Variants in CCDC85C observed in about 807,000 individuals in gnomAD.
CCDC85C encodes coiled-coil domain containing 85C.
A neutral mutation model predicts 38.3 loss-of-function variants in CCDC85C; 18 were observed. The observed-to-expected ratio is 0.47, with a 90% confidence interval of 0.33 to 0.70. The LOEUF (loss-of-function observed/expected upper bound fraction) is 0.70, where lower values mean the gene tolerates loss of function less well. Ranked by LOEUF, CCDC85C falls within the 30% of genes least tolerant of loss-of-function variation. CCDC85C has a pLI of 0.03. For missense variants in CCDC85C, 566 were observed against 621.2 expected, an observed-to-expected ratio of 0.91 and a Z score of 0.94; for synonymous variants, 264 against 293.8, an observed-to-expected ratio of 0.90 and a Z score of 1.04.
intron 1 of CCDC85C, among the ~76,000 whole-genome samples, chr14:99,577,917 AGTGTGTGTGTGT>A (rs368902066): frequency 3.4e-5 from 4 of 117,088 alleles, no homozygotes; most frequent in Non-Finnish European, 7.0e-5. Flanking sequence ...ATCCCCCATC[AGTGTGTGTGTGT>A]GTGTGTGTGT....
At chr14:99,547,847 TACACATATATATATACAC>T (rs1566769298) in intron 1 of CCDC85C, among the ~76,000 whole-genome samples, 2 of 151,826 alleles carry the variant, frequency 1.3e-5, no homozygotes, top group African/African-American at 2.4e-5. Flanking sequence ...TGTGTGTATA[TACACATATATATATACAC>T]ACACATATAT....
In CCDC85C at chr14:99,516,645, G is replaced by A. The variant is rs1897230460; in HGVS notation, c.1072-359C>T. 6.6e-6 allele frequency among the ~76,000 whole-genome samples: 1 copy of A among 152,120 alleles called. No individual in the cohort carries two copies. The highest frequency in any genetic ancestry group is 6.5e-5 in the Admixed American group (1 of 15,282). On this transcript the variant is annotated intron_variant, in intron 4 of 5. Transcript: ENST00000380243. This position sits in a 1 kb window ranked among gnomAD's most constrained non-coding sequence, Gnocchi z 5.5. Reference sequence around the variant, plus strand: ...TAGGCGTGGCCGTGCATGCATGTGGGATGTCATGGGGCACGTACGTAGGAG... The same window carrying A: ...TAGGCGTGGCCGTGCATGCATGTGGAATGTCATGGGGCACGTACGTAGGAG...
chr14:99,540,206 C>A (rs1018240934), intron 1 of CCDC85C, among the ~76,000 whole-genome samples: 1 of 152,130 alleles, frequency 6.6e-6, no homozygotes, highest in Non-Finnish European at 1.5e-5. Flanking sequence ...GCATGGCCAC[C>A]CAATGAAGCA....
chr14:99,573,925 C>T (rs1051637792), intron 1 of CCDC85C, among the ~76,000 whole-genome samples: 1 of 152,212 alleles, frequency 6.6e-6, no homozygotes, highest in African/African-American at 2.4e-5. Flanking sequence ...CTCCCACACC[C>T]TCCCTAGGTG....
In CCDC85C at chr14:99,512,620, G is replaced by C. The variant is rs1029237615; in HGVS notation, c.*2626C>G. 57 of 152,334 alleles carry C rather than the reference G, an allele frequency of 3.7e-4. No individual in the cohort carries two copies. Among genetic ancestry groups the C allele is most frequent in the African/African-American group, 1.3e-3 (54 of 41,562 alleles). The allele number at this position is 152,334 out of a possible 1,614,324, so 9.4% of individuals were successfully genotyped here. A position where few individuals can be genotyped will look rare whatever the true frequency, so the allele number is the denominator to read the frequency against. ...GGCCACCTGGGCTGGGGCGAAAGGAGACCTCCATCTGTCACAGTGGAAACT... is the reference window on the plus strand; with the variant it reads ...GGCCACCTGGGCTGGGGCGAAAGGACACCTCCATCTGTCACAGTGGAAACT... On this transcript the variant is annotated 3_prime_UTR_variant, in exon 6 of 6. Transcript: ENST00000380243.
Position 99,510,551 on chromosome 14 carries a change from T to A in CCDC85C, c.*4695A>T. ...CACCTGCCATCCCACCCCCTACTCC[T>A]GGCTACCCCCCACCCCCACCCACCT... is the stretch of plus-strand genomic sequence containing the variant. On this transcript the variant is annotated 3_prime_UTR_variant, in exon 6 of 6. Coordinates refer to ENST00000380243, the MANE Select transcript of CCDC85C (RefSeq NM_001144995.2). 1 of 327,130 alleles carries A rather than the reference T, an allele frequency of 3.1e-6. No homozygotes were observed. The highest frequency in any genetic ancestry group is 5.5e-6 in the Non-Finnish European group (1 of 181,258). The allele number at this position is 327,130 out of a possible 1,614,324, so 20.3% of individuals were successfully genotyped here. A position where few individuals can be genotyped will look rare whatever the true frequency, so the allele number is the denominator to read the frequency against.
Position 99,603,618 on chromosome 14 carries a change from G to T in CCDC85C, c.342C>A (p.Gly114=), listed in dbSNP as rs2055235066. The T allele has an allele frequency of 1.4e-6, 2 of 1,459,422 alleles. No homozygotes were observed. The highest frequency in any genetic ancestry group is 2.9e-5 in the East Asian group (1 of 35,002). The allele number at this position is 1,459,422 out of a possible 1,614,324, so 90.4% of individuals were successfully genotyped here. ...EWQRFGRHAA[G]AVWHEVARSQ... Reference sequence around the variant, plus strand: ...AGCGGGCCACCTCGTGCCACACGGCGCCGGCCGCGTGGCGCCCGAAGCGCT... The same window carrying T: ...AGCGGGCCACCTCGTGCCACACGGCTCCGGCCGCGTGGCGCCCGAAGCGCT... Residue 114 remains glycine, a synonymous_variant, in exon 1 of 6, where the codon GGC becomes GGA. Transcript: ENST00000380243. The surrounding 1 kb of genome is among the most constrained non-coding windows in gnomAD (Gnocchi z 7.5).
chr14:99,585,286 T>C (rs1259160554), intron 1 of CCDC85C, among the ~76,000 whole-genome samples: 1 of 152,022 alleles, frequency 6.6e-6, no homozygotes, highest in Non-Finnish European at 1.5e-5. Context: ...AAACAGGAAA[T>C]AGTTTGGGAA....
intron 1 of CCDC85C, among the ~76,000 whole-genome samples, chr14:99,560,550 C>T (rs928116482): frequency 6.6e-6 from 1 of 152,184 alleles, no homozygotes; most frequent in African/African-American, 2.4e-5. Flanking sequence ...TCAGAGCAGC[C>T]CCCAGACCGC....
In CCDC85C at chr14:99,581,576, C is replaced by T. The variant is rs755814; in HGVS notation, c.793+21591G>A. 1.3e-3 allele frequency among the ~76,000 whole-genome samples: 196 copies of T among 152,348 alleles called. 6 individuals are homozygous for T. The South Asian group carries it at 0.019, about 15-fold the overall frequency. On this transcript the variant is annotated intron_variant, in intron 1 of 5. Coordinates refer to ENST00000380243, the MANE Select transcript of CCDC85C (RefSeq NM_001144995.2). ...CGTCCATGACCCCTGCCTCGGCCAC[C>T]GCACAATCGCTCCCTTTGTTCCCCG... is the stretch of plus-strand genomic sequence containing the variant.
rs1335316286 is a variant in CCDC85C at position 99,576,418 on chromosome 14, A to G, written c.793+26749T>C. 6.6e-6 allele frequency: 1 copy of G among 152,492 alleles called. No homozygotes were observed. Among genetic ancestry groups the G allele is most frequent in the East Asian group, 1.9e-4 (1 of 5,180 alleles). The allele number at this position is 152,492 out of a possible 1,614,324, so 9.4% of individuals were successfully genotyped here. ...GAAGGACTGAGTCCCTGTGAGCAGC[A>G]GCTCCCGGGAGCCCCACCCTCAGCT... On this transcript the variant is annotated intron_variant, in intron 1 of 5. Transcript: ENST00000380243. This position sits in a 1 kb window ranked among gnomAD's most constrained non-coding sequence, Gnocchi z 4.8.
intron 1 of CCDC85C, among the ~76,000 whole-genome samples, chr14:99,552,937 C>T (rs1329739491): frequency 1.3e-5 from 2 of 152,186 alleles, no homozygotes; most frequent in Non-Finnish European, 2.9e-5. Context: ...GCTCATTGTC[C>T]TGCTGGCCAG....
intron 1 of CCDC85C, among the ~76,000 whole-genome samples, chr14:99,573,965 A>C (rs1020286379): frequency 5.9e-5 from 9 of 152,212 alleles, no homozygotes; most frequent in African/African-American, 2.2e-4. Flanking sequence ...AACTCGTCTC[A>C]TCCTGGGATG....
chr14:99,570,813 G>A (rs934045782), intron 1 of CCDC85C, among the ~76,000 whole-genome samples: 1 of 152,190 alleles, frequency 6.6e-6, no homozygotes, highest in Non-Finnish European at 1.5e-5. Context: ...AAACGGTGGG[G>A]CATTAGCAGA....
At chr14:99,581,558 G>T (rs750165189) in intron 1 of CCDC85C, among the ~76,000 whole-genome samples, 3 of 152,210 alleles carry the variant, frequency 2.0e-5, no homozygotes, top group Non-Finnish European at 4.4e-5. Context: ...GGGCGTCCAT[G>T]ACCCCTGCCT....
chr14:99,563,028 T>C (rs548890407), intron 1 of CCDC85C, among the ~76,000 whole-genome samples: 1 of 152,364 alleles, frequency 6.6e-6, no homozygotes, highest in Non-Finnish European at 1.5e-5. Flanking sequence ...GAGCCGTCTA[T>C]AATGCCACTT....
intron 1 of CCDC85C, among the ~76,000 whole-genome samples, chr14:99,590,084 C>A (rs8023108): frequency 0.99 from 150,089 of 152,302 alleles, 73,998 homozygotes; most frequent in Middle Eastern, 1. Flanking sequence ...CCAGACCAGC[C>A]CTCATGGGGG....
chr14:99,591,568 C>CG (rs59709185), intron 1 of CCDC85C, among the ~76,000 whole-genome samples: 2 of 151,958 alleles, frequency 1.3e-5, no homozygotes, highest in East Asian at 1.9e-4. Context: ...GGAGGCAGGA[C>CG]GGGGGGGCCA....
intron 1 of CCDC85C, among the ~76,000 whole-genome samples, chr14:99,568,000 C>G (rs1285939850): frequency 3.3e-5 from 5 of 152,112 alleles, no homozygotes; most frequent in Non-Finnish European, 7.4e-5. Context: ...CACTCCCACC[C>G]CCAGAGGAAA....
Sources: allele counts gnomAD v4.1 joint callset (sites outside exome capture counted in the v4.1 genomes callset), GRCh38; gene constraint gnomAD v4.1.1; non-coding constraint Gnocchi (gnomAD v3.1); transcripts MANE v1.5; gene names NCBI Gene and HGNC (gene_info 2026-07-23, HGNC 2026-07-21).